Variants in SRGAP3 observed in about 807,000 individuals in gnomAD.
SRGAP3 encodes the protein SLIT-ROBO Rho GTPase activating protein 3, also known as SLIT-ROBO Rho GTPase-activating protein 3.
Under a neutral mutation model 121.1 loss-of-function variants are expected in SRGAP3, and 39 were observed. The ratio of observed to expected loss-of-function variants is 0.32; its 90% confidence interval spans 0.25 to 0.42. The LOEUF is 0.42. Among genes scored for constraint, SRGAP3 ranks in the 10% least tolerant of loss-of-function variants. The pLI is 1.00. For missense variants in SRGAP3, 1,213 were observed against 1,470.6 expected (o/e 0.82, Z 2.86); for synonymous variants, 601 against 570.0 (o/e 1.05, Z -0.77).
chr3:9,281,863 G>C (rs901673299), intron 3 of SRGAP3, among the ~76,000 whole-genome samples: 1 of 152,062 alleles, frequency 6.6e-6, no homozygotes, highest in Non-Finnish European at 1.5e-5. Context: ...AGTAGAGACA[G>C]GGTTTCGCTA....
intron 5 of SRGAP3, 73 bp from the exon 6 acceptor site, chr3:9,060,432 T>TTTTC: frequency 7.0e-7 from 1 of 1,419,344 alleles, no homozygotes; most frequent in Non-Finnish European, 9.4e-7. Flanking sequence ...CTATTCCTTT[T>TTTTC]TTTTTTTTTT....
rs114613566 is a variant in SRGAP3 at position 9,183,599 on chromosome 3, C to T, written c.68-58682G>A. On this transcript the variant is annotated intron_variant, in intron 1 of 21. Transcript: ENST00000383836. ...ACTTGGGGCAGATGGCAAAGGCTTT[C>T]AATTTTTACTTTACATACCTCTAGA... is the stretch of plus-strand genomic sequence containing the variant. Among the ~76,000 whole-genome samples the T allele has an allele frequency of 7.5e-3, 1,142 of 152,258 alleles. 11 individuals carry two copies. The highest frequency in any genetic ancestry group is 0.026 in the African/African-American group (1,065 of 41,538).
At chr3:9,077,093 G>A (rs1350216013) in intron 4 of SRGAP3, among the ~76,000 whole-genome samples, 3 of 151,886 alleles carry the variant, frequency 2.0e-5, no homozygotes, top group Non-Finnish European at 2.9e-5. Flanking sequence ...GGTATATCTC[G>A]TAATGCTATC....
chr3:9,358,274 GCTTT>G lies in SRGAP3; in HGVS notation n.214+4562_214+4565del, dbSNP rs574808891. ...CCCAGCCCTAAGCAACCATTAACCT[GCTTT>G]CTGTCTCTATATATTTACCTATTTT... is the stretch of plus-strand genomic sequence containing the variant. On this transcript the variant is annotated intron_variant and non_coding_transcript_variant, in intron 1 of 3. Coordinates refer to the SRGAP3 transcript ENST00000490889. Among the ~76,000 whole-genome samples, 83 of 148,060 alleles carry G rather than the reference GCTTT, an allele frequency of 5.6e-4. 2 individuals carry two copies. The South Asian group carries it at 0.016, about 29-fold the overall frequency.
In SRGAP3 at chr3:9,027,304, G is replaced by T. The variant is rs143122240; in HGVS notation, c.1540-309C>A. Among the ~76,000 whole-genome samples the T allele has an allele frequency of 6.6e-3, 1,006 of 152,328 alleles. 9 individuals carry two copies. Among genetic ancestry groups the T allele is most frequent in the African/African-American group, 0.023 (964 of 41,560 alleles). On this transcript the variant is annotated intron_variant, in intron 12 of 21. Coordinates refer to ENST00000383836, the MANE Select transcript of SRGAP3 (RefSeq NM_014850.4). ...GGCAGTGGAGAGGGAACCACCTCGGGGGGGTGCTGGAGTCTGGCCTTGAAG... is the reference window on the plus strand; with the variant it reads ...GGCAGTGGAGAGGGAACCACCTCGGTGGGGTGCTGGAGTCTGGCCTTGAAG...
intron 3 of SRGAP3, among the ~76,000 whole-genome samples, chr3:9,264,148 A>C (rs1444093589): frequency 6.6e-6 from 1 of 152,222 alleles, no homozygotes; most frequent in African/African-American, 2.4e-5. Flanking sequence ...GATGCAGAAA[A>C]GGTCTTCGAT....
intron 3 of SRGAP3, 77 bp downstream of exon 3, chr3:9,104,603 A>G (rs1948345915): frequency 6.3e-7 from 1 of 1,588,666 alleles, no homozygotes; most frequent in South Asian, 1.1e-5. Flanking sequence ...ACCACATCCC[A>G]CCCTGGCTGG....
At chr3:9,190,067 G>A (rs1285380476) in intron 1 of SRGAP3, among the ~76,000 whole-genome samples, 1 of 152,236 alleles carries the variant, frequency 6.6e-6, no homozygotes, top group African/African-American at 2.4e-5. Flanking sequence ...GAGTGGTCAA[G>A]TAACCCATCC....
At chr3:9,183,332 A>G (rs1951487819) in intron 1 of SRGAP3, among the ~76,000 whole-genome samples, 1 of 152,204 alleles carries the variant, frequency 6.6e-6, no homozygotes, top group Admixed American at 6.5e-5. Context: ...TCTCCCTTGA[A>G]AGCAGATTAT....
At chr3:9,030,056 G>A (rs533243448) in intron 12 of SRGAP3, among the ~76,000 whole-genome samples, 3 of 152,260 alleles carry the variant, frequency 2.0e-5, no homozygotes, top group South Asian at 4.2e-4. Flanking sequence ...GGAGGCTGAG[G>A]TGGGAGGATC....
chr3:8,985,617 A>G lies in SRGAP3; in HGVS notation c.3202T>C (p.Ser1068Pro). 2 of 1,596,374 alleles carry G rather than the reference A, an allele frequency of 1.3e-6. No homozygotes were observed. Among genetic ancestry groups the G allele is most frequent in the Non-Finnish European group, 1.7e-6 (2 of 1,178,726 alleles). ...RPVRPVVQHRSSSSSSSGVGS... is the reference protein window; with the variant it reads ...RPVRPVVQHRPSSSSSSGVGS... ...ACGCCCGAGCTGCTGCTGCTGCTGGACCGGTGCTGGACCACCGGCCGCACG... is the reference window on the plus strand; with the variant it reads ...ACGCCCGAGCTGCTGCTGCTGCTGGGCCGGTGCTGGACCACCGGCCGCACG... Residue 1068 changes from serine (S) to proline (P), a missense_variant, in exon 22 of 22, where the codon TCC becomes CCC. Coordinates refer to ENST00000383836, the MANE Select transcript of SRGAP3 (RefSeq NM_014850.4). The surrounding 1 kb of genome is among the most constrained non-coding windows in gnomAD (Gnocchi z 5.1).
chr3:9,216,433 G>A (rs1406163308), intron 1 of SRGAP3, among the ~76,000 whole-genome samples: 1 of 152,130 alleles, frequency 6.6e-6, no homozygotes, highest in Non-Finnish European at 1.5e-5. Context: ...ACACCCTGTG[G>A]AGCAGCCACA....
At chr3:9,045,203 A>AC (rs1453267061) in intron 10 of SRGAP3, among the ~76,000 whole-genome samples, 99 of 151,874 alleles carry the variant, frequency 6.5e-4, no homozygotes, top group African/African-American at 2.2e-3. Flanking sequence ...AAAAAAAAAA[A>AC]AAAAAACTTC....
intron 3 of SRGAP3, among the ~76,000 whole-genome samples, chr3:9,294,814 G>A (rs1328905611): frequency 1.3e-5 from 2 of 151,166 alleles, no homozygotes; most frequent in African/African-American, 4.9e-5. Context: ...CTATTACACA[G>A]TAATCTCTTT....
intron 3 of SRGAP3, among the ~76,000 whole-genome samples, chr3:9,314,795 T>C (rs975211455): frequency 1.3e-5 from 2 of 151,964 alleles, no homozygotes; most frequent in Non-Finnish European, 2.9e-5. Context: ...AGTGCCCCTC[T>C]ACAGAAACCA....
At chr3:8,993,975 G>C (rs2124944973) in intron 19 of SRGAP3, 1 of 306,324 alleles carries the variant, frequency 3.3e-6, no homozygotes, top group Non-Finnish European at 6.3e-6. Context: ...TCCCCTAAGA[G>C]AGCTACCTCT....
At position 8,981,574 on chromosome 3, in the gene SRGAP3, T is replaced by G. The variant is rs576048144; in HGVS notation, c.*3945A>C. ...CCAGGTCACGAGAAGTCCTCCACAT[T>G]CGTGCCTCCTGAATGACAGAGAAAT... On this transcript the variant is annotated 3_prime_UTR_variant, in exon 22 of 22. Transcript: ENST00000383836. 4.3e-6 allele frequency: 1 copy of G among 232,892 alleles called. No individual in the cohort carries two copies. Among genetic ancestry groups the G allele is most frequent in the Non-Finnish European group, 8.5e-6 (1 of 117,622 alleles). 14.4% of individuals were successfully genotyped at this position (232,892 alleles called of 1,614,324 possible).
At chr3:9,255,424 A>C (rs1007710145) in intron 3 of SRGAP3, among the ~76,000 whole-genome samples, 1 of 152,202 alleles carries the variant, frequency 6.6e-6, no homozygotes, top group Admixed American at 6.5e-5. Context: ...TCTCCCTGTA[A>C]GATGGCAAAG....
intron 2 of SRGAP3, among the ~76,000 whole-genome samples, chr3:9,111,379 T>C (rs982226823): frequency 2.0e-5 from 3 of 152,062 alleles, no homozygotes; most frequent in African/African-American, 7.2e-5. Flanking sequence ...GCTGGGCAGG[T>C]GGGCTGGCGG....
Sources: allele counts gnomAD v4.1 joint callset (sites outside exome capture counted in the v4.1 genomes callset), GRCh38; gene constraint gnomAD v4.1.1; non-coding constraint Gnocchi (gnomAD v3.1); transcripts MANE v1.5; gene names NCBI Gene and HGNC (gene_info 2026-07-23, HGNC 2026-07-21).